Variants in SLC38A9 observed in about 807,000 individuals in gnomAD.
The protein encoded by SLC38A9 is solute carrier family 38 member 9, also known as neutral amino acid transporter 9.
Under a neutral mutation model 62.3 loss-of-function variants are expected in SLC38A9, and 48 were observed. The observed-to-expected ratio is 0.77, with a 90% CI of 0.61 to 0.98. The LOEUF (loss-of-function observed/expected upper bound fraction) is 0.98. SLC38A9 is among the 50% of genes least tolerant of loss of function. The pLI, the probability that SLC38A9 is intolerant of heterozygous loss-of-function variation, is 0.00. For synonymous variants in SLC38A9, 204 were observed against 227.7 expected (o/e 0.90, Z 0.94); for missense variants, 541 against 679.8 (o/e 0.80, Z 2.27).
At chr5:55,706,390 T>C (rs1460145876) in intron 2 of SLC38A9, among the ~76,000 whole-genome samples, 1 of 152,222 alleles carries the variant, frequency 6.6e-6, no homozygotes, top group Non-Finnish European at 1.5e-5. Flanking sequence ...TTTCTGGAAA[T>C]TAATACTTTA....
At chr5:55,652,120 A>G (rs1262554767) in intron 10 of SLC38A9, among the ~76,000 whole-genome samples, 7 of 151,880 alleles carry the variant, frequency 4.6e-5, no homozygotes, top group African/African-American at 1.7e-4. Context: ...GCACTTTGGG[A>G]GGCTGAGGCA....
At chr5:55,644,634 C>T (rs982192700) in intron 12 of SLC38A9, among the ~76,000 whole-genome samples, 3 of 152,114 alleles carry the variant, frequency 2.0e-5, no homozygotes, top group Non-Finnish European at 4.4e-5. Context: ...CTTGGCCAGG[C>T]TGGTCTTGAA....
In SLC38A9 at chr5:55,635,145, G is replaced by T. The variant is rs565452155; in HGVS notation, c.1281+399C>A. The T allele has an allele frequency of 2.8e-4, 53 of 191,718 alleles. No individual in the cohort carries two copies. In the South Asian group the frequency reaches 5.1e-3, roughly 19 times the overall value. The allele number at this position is 191,718 out of a possible 1,614,324, so 11.9% of individuals were successfully genotyped here. A position where few individuals can be genotyped will look rare whatever the true frequency, so the allele number is the denominator to read the frequency against. On this transcript the variant is annotated intron_variant, in intron 13 of 15. Transcript: ENST00000396865. ...ACTCTAGTTTATCCAGGGCATTCCT[G>T]ATACAGGCTTTTAAAAATAGGGAGT... is the stretch of plus-strand genomic sequence containing the variant.
In SLC38A9 at chr5:55,697,946, T is replaced by G; in HGVS notation, c.13A>C (p.Asn5His). Residue 5 changes from asparagine (N) to histidine (H), a missense_variant, in exon 3 of 16, where the codon AAT becomes CAT. By Grantham distance (68) the Asn-to-His change is moderately conservative (BLOSUM62 1). Transcript: ENST00000396865. MANM[N>H]SDSRHLGTSE... ...GTGCCAAGATGCCTAGAATCACTAT[T>G]CATATTTGCCATTTTTCTCACACTC... 6.3e-7 allele frequency: 1 copy of G among 1,590,996 alleles called. No homozygotes were observed. Among genetic ancestry groups the G allele is most frequent in the Non-Finnish European group, 8.6e-7 (1 of 1,168,206 alleles).
At chr5:55,672,945 C>A in intron 3 of SLC38A9, 4 of 356,782 alleles carry the variant, frequency 1.1e-5, no homozygotes, top group South Asian at 9.3e-5. Flanking sequence ...ATTTAGCAAC[C>A]GAGAAGACAA....
intron 3 of SLC38A9, among the ~76,000 whole-genome samples, chr5:55,681,250 G>A (rs948692616): frequency 8.6e-5 from 13 of 151,888 alleles, no homozygotes; most frequent in Admixed American, 2.0e-4. Flanking sequence ...GCTAATAACC[G>A]CATTTAAAAT....
At chr5:55,627,850 A>C (rs759265246) in intron 15 of SLC38A9, 41 bp downstream of exon 15, 1 of 1,219,950 alleles carries the variant, frequency 8.2e-7, no homozygotes, top group Non-Finnish European at 1.2e-6. Context: ...GAAAATAAAG[A>C]CCAATATATG....
intron 10 of SLC38A9, among the ~76,000 whole-genome samples, 156 bp downstream of exon 10, chr5:55,652,373 A>AAAAAG (rs890678121): frequency 2.0e-5 from 3 of 150,794 alleles, no homozygotes; most frequent in East Asian, 1.9e-4. Flanking sequence ...AAAAAAAAAA[A>AAAAAG]AAAAGAAAGA....
At chr5:55,667,550 C>T (rs987823104) in intron 7 of SLC38A9, among the ~76,000 whole-genome samples, 1 of 75,382 alleles carries the variant, frequency 1.3e-5, no homozygotes, top group East Asian at 3.8e-4. Flanking sequence ...TGGAATAAAC[C>T]TTATCTTAGG....
Position 55,701,459 on chromosome 5 carries a change from T to A in SLC38A9, c.-34-3467A>T, listed in dbSNP as rs368629685. On this transcript the variant is annotated intron_variant, in intron 2 of 15. Coordinates refer to ENST00000396865, the MANE Select transcript of SLC38A9 (RefSeq NM_173514.4). ...TGACTTCTTTTTCTCACAGTCCACA[T>A]TCAACCCATTAGGAAATCTTATTGG... Among the ~76,000 whole-genome samples the A allele has an allele frequency of 2.7e-4, 41 of 152,328 alleles. No homozygotes were observed. The South Asian group carries it at 5.8e-3, about 22-fold the overall frequency.
chr5:55,694,080 C>T, intron 3 of SLC38A9: 1 of 163,136 alleles, frequency 6.1e-6, no homozygotes, highest in Non-Finnish European at 1.4e-5. Context: ...CAGTGGCATG[C>T]ACCTGTAGTC....
chr5:55,664,175 C>T (rs1454477281), intron 8 of SLC38A9, among the ~76,000 whole-genome samples: 2 of 151,858 alleles, frequency 1.3e-5, no homozygotes, highest in Non-Finnish European at 2.9e-5. Flanking sequence ...AATGAACTTC[C>T]TCTATCTAAC....
intron 3 of SLC38A9, among the ~76,000 whole-genome samples, chr5:55,676,819 G>C (rs907677658): frequency 6.6e-6 from 1 of 150,554 alleles, no homozygotes; most frequent in African/African-American, 2.4e-5. Context: ...AGATAAAGAT[G>C]GTATTTTAAT....
chr5:55,680,702 G>A (rs1752879717), intron 3 of SLC38A9, among the ~76,000 whole-genome samples: 1 of 152,204 alleles, frequency 6.6e-6, no homozygotes. Context: ...TATACATCAA[G>A]CCTTAGAAAT....
At chr5:55,711,129 C>T (rs562609454) in intron 2 of SLC38A9, among the ~76,000 whole-genome samples, 1 of 151,376 alleles carries the variant, frequency 6.6e-6, no homozygotes, top group East Asian at 2.0e-4. Context: ...CCCGTTTCTA[C>T]TAAAAATACA....
intron 10 of SLC38A9, 87 bp downstream of exon 10, chr5:55,652,442 G>C: frequency 1.5e-6 from 1 of 658,896 alleles, no homozygotes; most frequent in Middle Eastern, 4.7e-4. Context: ...AGGCTTGGAA[G>C]GTAACTCCCC....
Position 55,698,886 on chromosome 5 carries a change from A to G in SLC38A9, c.-34-894T>C, listed in dbSNP as rs538655124. On this transcript the variant is annotated intron_variant, in intron 2 of 15. Coordinates refer to ENST00000396865, the MANE Select transcript of SLC38A9 (RefSeq NM_173514.4). ...CAGGATTTGGAGGCTACAGTGAGCT[A>G]TGATTGCGCCACTGCACTCCAGCCA... Among the ~76,000 whole-genome samples, 13 of 152,230 alleles carry G rather than the reference A, an allele frequency of 8.5e-5. No homozygotes were observed. The East Asian group carries it at 2.5e-3, about 29-fold the overall frequency.
intron 12 of SLC38A9, among the ~76,000 whole-genome samples, chr5:55,644,331 GCTATTTGTTTTCTATTTGTCA>G (rs60631829): frequency 0.59 from 89,661 of 151,136 alleles, 27,243 homozygotes; most frequent in South Asian, 0.7. Context: ...CTACTATGTT[GCTATTTGTTTTCTATTTGTCA>G]CTATTTGTTT....
intron 2 of SLC38A9, among the ~76,000 whole-genome samples, chr5:55,708,319 G>C (rs1262481086): frequency 6.6e-6 from 1 of 152,178 alleles, no homozygotes; most frequent in Non-Finnish European, 1.5e-5. Flanking sequence ...GACAGAGTGA[G>C]ACTGTCTCTA....
Sources: gnomAD v4.1 joint callset for allele counts (sites outside exome capture counted in the v4.1 genomes callset) on GRCh38, gnomAD v4.1.1 for gene constraint, MANE v1.5 for transcripts, NCBI Gene and HGNC (gene_info 2026-07-23, HGNC 2026-07-21) for gene names.